The following ZYX variants were observed in gnomAD, a reference collection of about 807,000 sequenced individuals.
ZYX encodes zyxin-2.
A neutral mutation model predicts 58.1 loss-of-function variants in ZYX; 37 were observed. That is an observed-to-expected ratio of 0.64 (90% CI 0.49 to 0.84). The LOEUF is 0.84. ZYX is among the 40% of genes least tolerant of loss of function. ZYX has a pLI of 0.00. For missense variants in ZYX, 762 were observed against 761.6 expected, an observed-to-expected ratio of 1.00 and a Z score of -0.01; for synonymous variants, 324 against 321.1, an observed-to-expected ratio of 1.01 and a Z score of -0.10.
intron 5 of ZYX, 56 bp downstream of exon 5, chr7:143,383,378 T>C: frequency 6.5e-7 from 1 of 1,528,144 alleles, no homozygotes; most frequent in Non-Finnish European, 8.7e-7. Flanking sequence ...CGGGGCTGGG[T>C]CAGGAGCCAG....
chr7:143,390,564 T>A lies in ZYX; in HGVS notation c.1615-14T>A. 6.4e-7 allele frequency: 1 copy of A among 1,553,554 alleles called. No individual in the cohort carries two copies. Among genetic ancestry groups the A allele is most frequent in the Non-Finnish European group, 8.7e-7 (1 of 1,146,802 alleles). The stretch of plus-strand genomic sequence containing the variant: ...CCTTCCGGTCCAGTGCCCCTCACCC[T>A]TCCTTCTTCCCAGGACTGCGGGAAG... On this transcript the variant is annotated splice_polypyrimidine_tract_variant and intron_variant, in intron 9 of 9. Coordinates refer to ENST00000322764, the MANE Select transcript of ZYX (RefSeq NM_003461.5). This position sits in a 1 kb window ranked among gnomAD's most constrained non-coding sequence, Gnocchi z 4.3.
chr7:143,382,520 C>T, intron 3 of ZYX, 73 bp downstream of exon 3: 1 of 1,592,970 alleles, frequency 6.3e-7, no homozygotes, highest in Non-Finnish European at 8.6e-7. Flanking sequence ...TTCTTCTTAC[C>T]TCCCCTGCAC....
In ZYX at chr7:143,383,195, C is replaced by G. The variant is rs1436350308; in HGVS notation, c.896C>G (p.Pro299Arg). Residue 299 changes from proline to arginine, a missense_variant, in exon 5 of 10, where the codon CCC becomes CGC. Coordinates refer to ENST00000322764, the MANE Select transcript of ZYX (RefSeq NM_003461.5). ...GSQPNQKLGH[P>R]EALSAGTGSP... ...CAACCAAATCAAAAATTGGGGCACC[C>G]CGAAGCTCTTTCTGCTGGCACAGGC... is the stretch of plus-strand genomic sequence containing the variant. 1 of 1,614,180 alleles carries G rather than the reference C, an allele frequency of 6.2e-7. No homozygotes were observed. The highest frequency in any genetic ancestry group is 1.7e-5 in the Admixed American group (1 of 60,020).
At chr7:143,386,439 G>T (rs897489092) in intron 5 of ZYX, among the ~76,000 whole-genome samples, 1 of 152,206 alleles carries the variant, frequency 6.6e-6, no homozygotes, top group Non-Finnish European at 1.5e-5. Context: ...GAGATGGAGA[G>T]GTCTGGAACG....
chr7:143,387,077 AAAGTTG>A lies in ZYX; in HGVS notation c.1024-1137_1024-1132del, dbSNP rs1430247314. On this transcript the variant is annotated intron_variant, in intron 5 of 9. Coordinates refer to ENST00000322764, the MANE Select transcript of ZYX (RefSeq NM_003461.5). This position sits in a 1 kb window ranked among gnomAD's most constrained non-coding sequence, Gnocchi z 5.8. ...CCAGGAAGGGAAGATTGGAGGAGAC[AAAGTTG>A]AAGTGAGTGTTCCAGGGAACGAGTC... Among the ~76,000 whole-genome samples, 1 of 152,182 alleles carries A rather than the reference AAAGTTG, an allele frequency of 6.6e-6. No individual in the cohort carries two copies. The highest frequency in any genetic ancestry group is 1.5e-5 in the Non-Finnish European group (1 of 68,040).
Position 143,388,790 on chromosome 7 carries a change from C to G in ZYX, c.1338C>G (p.Thr446=), listed in dbSNP as rs372852797. 1.2e-5 allele frequency: 19 copies of G among 1,613,820 alleles called. No individual in the cohort carries two copies. In the African/African-American group the frequency reaches 2.4e-4, roughly 20 times the overall value. Residue 446 remains threonine, a synonymous_variant, in exon 8 of 10, where the codon ACC becomes ACG. Transcript: ENST00000322764. The surrounding 1 kb of genome is among the most constrained non-coding windows in gnomAD (Gnocchi z 7.5). ...AGGACACCCTGGAGAAGTGTAACAC[C>G]TGCGGGGAGCCCATCACTGACCGCA... is the stretch of plus-strand genomic sequence containing the variant. ...CYTDTLEKCN[T]CGEPITDRML...
Position 143,383,207 on chromosome 7 carries a change from C to G in ZYX, c.908C>G (p.Ser303Cys), listed in dbSNP as rs1804713902. The G allele has an allele frequency of 5.0e-6, 8 of 1,614,070 alleles. No individual in the cohort carries two copies. The highest frequency in any genetic ancestry group is 6.8e-6 in the Non-Finnish European group (8 of 1,180,054). Residue 303 changes from serine to cysteine, a missense_variant, in exon 5 of 10, where the codon TCT becomes TGT. Ser to Cys is a moderately radical substitution (Grantham distance 112). Coordinates refer to ENST00000322764, the MANE Select transcript of ZYX (RefSeq NM_003461.5). ...NQKLGHPEAL[S>C]AGTGSPQPPS... ...AAATTGGGGCACCCCGAAGCTCTTT[C>G]TGCTGGCACAGGCTCCCCTCAACCT...
At position 143,387,695 on chromosome 7, in the gene ZYX, G is replaced by A. The variant is rs751180535; in HGVS notation, c.1024-524G>A. ...GGTCTCTGTGTGGGGGTGGGGCTGGGTTCTTGCAGACAGCTCAGTGGGTTT... is the reference window on the plus strand; with the variant it reads ...GGTCTCTGTGTGGGGGTGGGGCTGGATTCTTGCAGACAGCTCAGTGGGTTT... On this transcript the variant is annotated intron_variant, in intron 5 of 9. Transcript: ENST00000322764. This position sits in a 1 kb window ranked among gnomAD's most constrained non-coding sequence, Gnocchi z 5.8. 3 of 471,066 alleles carry A rather than the reference G, an allele frequency of 6.4e-6. No individual in the cohort carries two copies. Among genetic ancestry groups the A allele is most frequent in the Non-Finnish European group, 1.3e-5 (3 of 227,022 alleles). The allele number at this position is 471,066 out of a possible 1,614,324, so 29.2% of individuals were successfully genotyped here.
chr7:143,382,567 A>T (rs1456279270), intron 3 of ZYX, 26 bp from the exon 4 acceptor site: 2 of 1,611,750 alleles, frequency 1.2e-6, no homozygotes, highest in Admixed American at 1.7e-5. Flanking sequence ...GGCATGGAAT[A>T]GGTGCTCTGA....
chr7:143,390,048 G>A lies in ZYX; in HGVS notation c.1614+71G>A. 1 of 1,586,436 alleles carries A rather than the reference G, an allele frequency of 6.3e-7. No individual in the cohort carries two copies. The highest frequency in any genetic ancestry group is 2.3e-5 in the East Asian group (1 of 44,256). ...TGGCGGGAGATGCTGCTTACTAACT[G>A]GGAGGTGGAAAGCACCAGCATTCAG... On this transcript the variant is annotated intron_variant, in intron 9 of 9. Coordinates refer to ENST00000322764, the MANE Select transcript of ZYX (RefSeq NM_003461.5). This position sits in a 1 kb window ranked among gnomAD's most constrained non-coding sequence, Gnocchi z 4.3.
Position 143,382,683 on chromosome 7 carries a change from C to A in ZYX, c.499C>A (p.Arg167=). The A allele has an allele frequency of 6.2e-7, 1 of 1,614,062 alleles. No homozygotes were observed. The highest frequency in any genetic ancestry group is 8.5e-7 in the Non-Finnish European group (1 of 1,179,974). Residue 167 remains arginine, a splice_region_variant and synonymous_variant, in exon 4 of 10, where the codon CGG becomes AGG. Coordinates refer to ENST00000322764, the MANE Select transcript of ZYX (RefSeq NM_003461.5). ...GACCAAGAATGATCCTTTCAAAGCC[C>A]GGGTAAGGGACCGGAGAGTAGGAAA... ...DMTKNDPFKA[R]VSSGYVPPPV... is the part of the protein sequence containing the mutation.
chr7:143,382,218 C>T, intron 2 of ZYX, 30 bp from the exon 3 acceptor site: 3 of 1,597,712 alleles, frequency 1.9e-6, no homozygotes, highest in African/African-American at 2.7e-5. Flanking sequence ...AGAGGGACCC[C>T]GGCCGACGTC....
intron 5 of ZYX, among the ~76,000 whole-genome samples, chr7:143,385,378 G>C (rs1233784539): frequency 6.6e-6 from 1 of 151,672 alleles, no homozygotes; most frequent in Non-Finnish European, 1.5e-5. Context: ...GTGTGTGTTA[G>C]TGTGTGGGTG....
chr7:143,385,343 A>G (rs1408775845), intron 5 of ZYX, among the ~76,000 whole-genome samples: 2 of 151,508 alleles, frequency 1.3e-5, no homozygotes, highest in Non-Finnish European at 2.9e-5. Context: ...ATATACACAT[A>G]TGTGAATATA....
At position 143,384,950 on chromosome 7, in the gene ZYX, G is replaced by A. The variant is rs1040374033; in HGVS notation, c.1023+1628G>A. Among the ~76,000 whole-genome samples, 3 of 152,154 alleles carry A rather than the reference G, an allele frequency of 2.0e-5. No homozygotes were observed. Among genetic ancestry groups the A allele is most frequent in the Non-Finnish European group, 4.4e-5 (3 of 68,032 alleles). Reference sequence around the variant, plus strand: ...ATCCAGGGCTAGGTTTCAGGAGAGGGCCAGAGATGTCTAGCATGGTAGTGG... The same window carrying A: ...ATCCAGGGCTAGGTTTCAGGAGAGGACCAGAGATGTCTAGCATGGTAGTGG... On this transcript the variant is annotated intron_variant, in intron 5 of 9. Transcript: ENST00000322764. This position sits in a 1 kb window ranked among gnomAD's most constrained non-coding sequence, Gnocchi z 4.9.
intron 2 of ZYX, 117 bp from the exon 3 acceptor site, chr7:143,382,131 A>C: frequency 1.1e-6 from 1 of 901,914 alleles, no homozygotes; most frequent in African/African-American, 1.7e-5. Context: ...TTGCTTCCCC[A>C]CACGCTCTGG....
At position 143,388,911 on chromosome 7, in the gene ZYX, G is replaced by A. The variant is rs370901134; in HGVS notation, c.1459G>A (p.Ala487Thr). Residue 487 changes from alanine to threonine, a missense_variant, in exon 8 of 10, where the codon GCC (alanine) becomes ACC (threonine). Physicochemically the swap from Ala to Thr is moderately conservative, Grantham distance 58 (BLOSUM62 0). Coordinates refer to ENST00000322764, the MANE Select transcript of ZYX (RefSeq NM_003461.5). The surrounding 1 kb of genome is among the most constrained non-coding windows in gnomAD (Gnocchi z 7.5). ...GGGCACCTCCTTCATCGTGGACCAG[G>A]CCAACCGGCCCCACTGTGTCCCCGA... The part of the protein sequence containing the change: ...LEGTSFIVDQ[A>T]NRPHCVPDYH... 8.7e-6 allele frequency: 14 copies of A among 1,612,648 alleles called. No individual in the cohort carries two copies. Among genetic ancestry groups the A allele is most frequent in the Middle Eastern group, 3.8e-4 (2 of 5,308 alleles).
At position 143,390,553 on chromosome 7, in the gene ZYX, G is replaced by T; in HGVS notation, c.1615-25G>T. 1 of 1,533,760 alleles carries T rather than the reference G, an allele frequency of 6.5e-7. No individual in the cohort carries two copies. The highest frequency in any genetic ancestry group is 1.2e-5 in the South Asian group (1 of 83,782). On this transcript the variant is annotated intron_variant, in intron 9 of 9. Transcript: ENST00000322764. The surrounding 1 kb of genome is among the most constrained non-coding windows in gnomAD (Gnocchi z 4.3). ...CAGAGCAGGGGCCTTCCGGTCCAGTGCCCCTCACCCTTCCTTCTTCCCAGG... is the reference window on the plus strand; with the variant it reads ...CAGAGCAGGGGCCTTCCGGTCCAGTTCCCCTCACCCTTCCTTCTTCCCAGG...
rs1805025441 is a variant in ZYX at position 143,390,304 on chromosome 7, G to A, written c.1615-274G>A. The stretch of plus-strand genomic sequence containing the variant: ...AGAAGAGGTCTTCGAATGGAGGTGA[G>A]CCAACCTCTATTTTATTAGGGTGGT... On this transcript the variant is annotated intron_variant, in intron 9 of 9. Transcript: ENST00000322764. The surrounding 1 kb of genome is among the most constrained non-coding windows in gnomAD (Gnocchi z 4.3). The A allele has an allele frequency of 1.8e-6, 1 of 556,778 alleles. No homozygotes were observed. The allele number at this position is 556,778 out of a possible 1,614,324, so 34.5% of individuals were successfully genotyped here. A position where few individuals can be genotyped will look rare whatever the true frequency, so the allele number is the denominator to read the frequency against.
Sources: gnomAD v4.1 joint callset for allele counts (sites outside exome capture counted in the v4.1 genomes callset) on GRCh38, gnomAD v4.1.1 for gene constraint, Gnocchi (gnomAD v3.1) non-coding constraint, MANE v1.5 for transcripts, NCBI Gene and HGNC (gene_info 2026-07-23, HGNC 2026-07-21) for gene names.